Variants in ARAP2 observed in about 807,000 individuals in gnomAD.
ARAP2 encodes ArfGAP with RhoGAP domain, ankyrin repeat and PH domain 2, also known as arf-GAP with Rho-GAP domain, ANK repeat and PH domain-containing protein 2.
ARAP2 carries 148 observed loss-of-function variants against 194.5 expected under a neutral mutation model. The ratio of observed to expected loss-of-function variants is 0.76; its 90% CI spans 0.67 to 0.87. The LOEUF (loss-of-function observed/expected upper bound fraction) is 0.87, where lower values mean the gene tolerates loss of function less well. Among genes scored for constraint, ARAP2 ranks in the 40% least tolerant of loss-of-function variants. The pLI is 0.00. For synonymous variants in ARAP2, 695 were observed against 683.5 expected (o/e 1.02, Z -0.26); for missense variants, 2,128 against 1,989.7 (o/e 1.07, Z -1.32).
chr4:36,061,824 T>C (rs964803952), downstream of ARAP2, among the ~76,000 whole-genome samples: 1 of 152,120 alleles, frequency 6.6e-6, no homozygotes, highest in African/African-American at 2.4e-5. Flanking sequence ...TGATTGACTG[T>C]TTTGGGGGTA....
chr4:36,130,023 T>G lies in ARAP2; in HGVS notation c.3428-1278A>C, dbSNP rs73806500. Among the ~76,000 whole-genome samples, 318 of 152,004 alleles carry G rather than the reference T, an allele frequency of 2.1e-3. 1 individual carries two copies. Among genetic ancestry groups the G allele is most frequent in the African/African-American group, 7.2e-3 (298 of 41,518 alleles). On this transcript the variant is annotated intron_variant, in intron 20 of 32. Transcript: ENST00000303965. ...CTTTACAAGTCAGAGTATTTCTTTC[T>G]CAATCAGCACATTAAAAACAAAAAA...
chr4:36,068,686 T>A (rs1228355470), intron 32 of ARAP2, among the ~76,000 whole-genome samples: 1 of 152,208 alleles, frequency 6.6e-6, no homozygotes, highest in Non-Finnish European at 1.5e-5. Flanking sequence ...AAAACTGATA[T>A]GGCGTGCTGT....
chr4:36,067,165 T>C lies in ARAP2; in HGVS notation c.*742A>G, dbSNP rs934644599. 6.6e-6 allele frequency: 1 copy of C among 152,418 alleles called. No homozygotes were observed. The highest frequency in any genetic ancestry group is 2.4e-5 in the African/African-American group (1 of 41,452). 9.4% of individuals were successfully genotyped at this position (152,418 alleles called of 1,614,324 possible). On this transcript the variant is annotated 3_prime_UTR_variant, in exon 33 of 33. Coordinates refer to ENST00000303965, the MANE Select transcript of ARAP2 (RefSeq NM_015230.4). ...ACAATGAGCTCAAACGTAGTGAATCTGTAATGTGGCTGGTTTTCTAACACT... is the reference window on the plus strand; with the variant it reads ...ACAATGAGCTCAAACGTAGTGAATCCGTAATGTGGCTGGTTTTCTAACACT...
intron 6 of ARAP2, among the ~76,000 whole-genome samples, chr4:36,195,167 C>CA (rs11379966): frequency 0.9 from 136,574 of 151,976 alleles, 61,490 homozygotes; most frequent in East Asian, 1. Context: ...AGCCCCATCT[C>CA]AAAAAAATTA....
At chr4:36,021,327 C>G (rs1716903634) in intron 5 of ARAP2, among the ~76,000 whole-genome samples, 1 of 152,290 alleles carries the variant, frequency 6.6e-6, no homozygotes, top group South Asian at 2.1e-4. Context: ...TGATTTGGAT[C>G]TTCGTCCCCC....
At chr4:36,169,532 CTTT>C (rs200988075) in intron 9 of ARAP2, among the ~76,000 whole-genome samples, 16 of 136,306 alleles carry the variant, frequency 1.2e-4, no homozygotes, top group East Asian at 4.4e-4. Flanking sequence ...GCAAAGATGA[CTTT>C]TTTTTTTTTT....
chr4:36,101,396 G>GATTTTT (rs61553104), intron 27 of ARAP2, among the ~76,000 whole-genome samples: 7 of 149,888 alleles, frequency 4.7e-5, no homozygotes, highest in Non-Finnish European at 7.4e-5. Context: ...AAGTACCAGA[G>GATTTTT]TTTTTTTTTT....
chr4:36,229,607 T>C lies in ARAP2; in HGVS notation c.-121A>G. On this transcript the variant is annotated 5_prime_UTR_variant, in exon 2 of 33. Coordinates refer to ENST00000303965, the MANE Select transcript of ARAP2 (RefSeq NM_015230.4). ...ATTGTGACAGAAAAGTTTCTTAAAA[T>C]GTTATTTTCTTCACAGTGACTGCTT... 1 of 755,638 alleles carries C rather than the reference T, an allele frequency of 1.3e-6. No homozygotes were observed. Among genetic ancestry groups the C allele is most frequent in the South Asian group, 2.6e-5 (1 of 38,688 alleles). 46.8% of individuals were successfully genotyped at this position (755,638 alleles called of 1,614,324 possible).
chr4:36,076,676 A>G (rs924613350), intron 31 of ARAP2, among the ~76,000 whole-genome samples: 1 of 151,586 alleles, frequency 6.6e-6, no homozygotes, highest in Non-Finnish European at 1.5e-5. Flanking sequence ...TCCCCCAGGC[A>G]TCTCATCTAA....
At position 36,080,294 on chromosome 4, in the gene ARAP2, T is replaced by C. The variant is rs1444078910; in HGVS notation, c.4545-15A>G. On this transcript the variant is annotated splice_polypyrimidine_tract_variant and intron_variant, in intron 30 of 32. Coordinates refer to ENST00000303965, the MANE Select transcript of ARAP2 (RefSeq NM_015230.4). ...AACACAGGTGCCTGCAAAACGAGGT[T>C]TATAAACTATGTCATTCAAAAAGAC... is the stretch of plus-strand genomic sequence containing the variant. 2.5e-6 allele frequency: 4 copies of C among 1,604,632 alleles called. No homozygotes were observed. The highest frequency in any genetic ancestry group is 3.4e-6 in the Non-Finnish European group (4 of 1,172,200).
intron 5 of ARAP2, among the ~76,000 whole-genome samples, chr4:36,042,211 T>C (rs1720982569): frequency 6.6e-6 from 1 of 152,132 alleles, no homozygotes; most frequent in African/African-American, 2.4e-5. Flanking sequence ...ATAGGTGGCT[T>C]ATATTTTTTC....
In ARAP2 at chr4:36,228,735, T is replaced by A; in HGVS notation, c.752A>T (p.Glu251Val). ...AACATACAAGTCATTTACAATCATT[T>A]CTCCTTGAAACTTAAAGAATGGGGA... ...PPSPFFKFQG[E>V]MIVNDLYVPS... The change falls in exon 2 of 33, where the codon GAA (glutamate) becomes GTA (valine). Residue 251 changes from glutamate (E) to valine (V), a missense_variant. Transcript: ENST00000303965. 1 of 1,614,138 alleles carries A rather than the reference T, an allele frequency of 6.2e-7. No individual in the cohort carries two copies. The highest frequency in any genetic ancestry group is 8.5e-7 in the Non-Finnish European group (1 of 1,180,008).
intron 19 of ARAP2, among the ~76,000 whole-genome samples, chr4:36,145,835 C>T (rs775342875): frequency 4.6e-4 from 70 of 151,928 alleles, no homozygotes; most frequent in Admixed American, 1.4e-3. Flanking sequence ...TCTAGCTATA[C>T]TCTCCATGAG....
At chr4:36,085,074 G>A (rs1188223682) in intron 28 of ARAP2, among the ~76,000 whole-genome samples, 2 of 151,832 alleles carry the variant, frequency 1.3e-5, no homozygotes, top group Non-Finnish European at 2.9e-5. Flanking sequence ...GTTTTGATGC[G>A]GTGAACAGTT....
intron 8 of ARAP2, among the ~76,000 whole-genome samples, chr4:36,184,624 GTTTAAC>G (rs1198308293): frequency 6.6e-6 from 1 of 152,040 alleles, no homozygotes; most frequent in Non-Finnish European, 1.5e-5. Context: ...AAACGTGTCT[GTTTAAC>G]TTTTAATGTG....
In ARAP2 at chr4:36,068,251, G is replaced by A. The variant is rs369245339; in HGVS notation, c.4771C>T (p.Arg1591Trp). The A allele has an allele frequency of 3.5e-5, 55 of 1,567,194 alleles. No individual in the cohort carries two copies. Among genetic ancestry groups the A allele is most frequent in the African/African-American group, 1.8e-4 (13 of 72,804 alleles). ...TCTTTATCACACTTTTCACTGAGCC[G>A]CAGCCTTTCAAGTTCTGCTCTTGCA... is the stretch of plus-strand genomic sequence containing the variant. ...ESARAELERL[R>W]LSEKCDKESV... Residue 1591 changes from arginine to tryptophan, a missense_variant, in exon 33 of 33, where the codon CGG becomes TGG. Coordinates refer to ENST00000303965, the MANE Select transcript of ARAP2 (RefSeq NM_015230.4).
intron 6 of ARAP2, among the ~76,000 whole-genome samples, chr4:36,018,390 A>C (rs989272306): frequency 1.3e-5 from 2 of 151,660 alleles, no homozygotes; most frequent in South Asian, 4.2e-4. Context: ...ACAGCAATGT[A>C]GAACTGTTGC....
chr4:36,149,844 T>C (rs1730535179), intron 16 of ARAP2, among the ~76,000 whole-genome samples: 1 of 152,162 alleles, frequency 6.6e-6, no homozygotes. Context: ...AAAGGTAATA[T>C]GTTCAATGTA....
At chr4:36,124,382 A>G (rs979235751) in intron 22 of ARAP2, among the ~76,000 whole-genome samples, 2 of 151,856 alleles carry the variant, frequency 1.3e-5, no homozygotes, top group African/African-American at 4.8e-5. Context: ...TCATTGGTAA[A>G]GTCACCATTA....
Sources: allele counts gnomAD v4.1 joint callset (sites outside exome capture counted in the v4.1 genomes callset), GRCh38; gene constraint gnomAD v4.1.1; transcripts MANE v1.5; gene names NCBI Gene and HGNC (gene_info 2026-07-23, HGNC 2026-07-21).